The following EFCAB6 variants were observed in gnomAD, a reference collection of about 807,000 sequenced individuals.
EFCAB6 encodes EF-hand calcium-binding domain-containing protein 6.
In EFCAB6, 156 loss-of-function variants were observed where a neutral mutation model predicts 169.8. The ratio of observed to expected loss-of-function variants is 0.92; its 90% CI spans 0.81 to 1.05. The LOEUF (loss-of-function observed/expected upper bound fraction) is 1.05, where lower values mean the gene tolerates loss of function less well. Ranked by LOEUF, EFCAB6 falls within the 50% of genes least tolerant of loss-of-function variation. The probability of loss-of-function intolerance (pLI) is 0.00; values close to 1 mark genes in which losing one functional copy is unlikely to be tolerated. For missense variants in EFCAB6, 1,800 were observed against 1,829.1 expected (o/e 0.98, Z 0.29); for synonymous variants, 698 against 676.4 (o/e 1.03, Z -0.50).
intron 26 of EFCAB6, among the ~76,000 whole-genome samples, chr22:43,571,560 G>C (rs1014594099): frequency 6.6e-6 from 1 of 152,194 alleles, no homozygotes; most frequent in South Asian, 2.1e-4. Context: ...GATGAATGCA[G>C]TCTGGGGTTC....
chr22:43,798,392 G>A (rs1227895905), intron 2 of EFCAB6, among the ~76,000 whole-genome samples: 7 of 152,056 alleles, frequency 4.6e-5, no homozygotes, highest in Non-Finnish European at 8.8e-5. Context: ...CCGTTCCCAG[G>A]AGATGCTGGT....
chr22:43,537,483 C>T lies in EFCAB6; in HGVS notation c.3942G>A (p.Glu1314=). 1.2e-6 allele frequency: 2 copies of T among 1,614,142 alleles called. No individual in the cohort carries two copies. The highest frequency in any genetic ancestry group is 1.7e-6 in the Non-Finnish European group (2 of 1,180,036). The change falls in exon 29 of 32, where the codon GAG becomes GAA. Residue 1314 remains glutamate (E), a synonymous_variant. Coordinates refer to ENST00000262726, the MANE Select transcript of EFCAB6 (RefSeq NM_022785.4). This position sits in a 1 kb window ranked among gnomAD's most constrained non-coding sequence, Gnocchi z 4.3. ...TPPLQNCDPI[E]SRLRKRIQGC... is the part of the protein sequence containing the mutation. ...CCTGGATTCTCTTCCGGAGCCTGCT[C>T]TCTATGGGATCACAGTTCTGCAAGG...
At position 43,599,509 on chromosome 22, in the gene EFCAB6, C is replaced by CAAAAAAAAA. The variant is rs58130994; in HGVS notation, c.2876+551_2876+559dup. 1.1e-3 allele frequency among the ~76,000 whole-genome samples: 48 copies of CAAAAAAAAA among 44,238 alleles called. 9 individuals are homozygous for CAAAAAAAAA. Among genetic ancestry groups the CAAAAAAAAA allele is most frequent in the African/African-American group, 2.1e-3 (23 of 11,098 alleles). The allele number at this position is 44,238 out of a possible 152,430, so 29.0% of individuals were successfully genotyped here. A position where few individuals can be genotyped will look rare whatever the true frequency, so the allele number is the denominator to read the frequency against. On this transcript the variant is annotated intron_variant, in intron 23 of 31. Coordinates refer to ENST00000262726, the MANE Select transcript of EFCAB6 (RefSeq NM_022785.4). ...TGGGAGACAGAGTGAGATTCCATCTCAAAAAAAAAAAAAAAAAAAAAAAAA... is the reference window on the plus strand; with the variant it reads ...TGGGAGACAGAGTGAGATTCCATCTCAAAAAAAAAAAAAAAAAAAAAAAAAAAAAAAAAA...
intron 10 of EFCAB6, among the ~76,000 whole-genome samples, chr22:43,709,098 T>C (rs1021095480): frequency 2.0e-5 from 3 of 152,190 alleles, no homozygotes; most frequent in African/African-American, 2.4e-5. Flanking sequence ...TCTTCATTTT[T>C]TGGGACAGAG....
At chr22:43,759,687 C>A (rs1393841232) in intron 5 of EFCAB6, 1 of 152,200 alleles carries the variant, frequency 6.6e-6, no homozygotes, top group Admixed American at 6.5e-5. Flanking sequence ...CTCTCATATA[C>A]TCAGAGACAG....
chr22:43,718,150 GGTA>G (rs1321453280), intron 8 of EFCAB6, among the ~76,000 whole-genome samples: 2 of 152,116 alleles, frequency 1.3e-5, no homozygotes, highest in African/African-American at 4.8e-5. Context: ...GTAGGATTCA[GGTA>G]GTAGAATTAT....
chr22:43,689,888 T>A (rs535523946), intron 10 of EFCAB6, among the ~76,000 whole-genome samples: 1 of 152,330 alleles, frequency 6.6e-6, no homozygotes, highest in African/African-American at 2.4e-5. Flanking sequence ...ATTAAGTCTC[T>A]TTCTATGATC....
chr22:43,811,276 AAAG>A (rs1320159565), intron 1 of EFCAB6, among the ~76,000 whole-genome samples: 1 of 144,484 alleles, frequency 6.9e-6, no homozygotes, highest in Non-Finnish European at 1.5e-5. Context: ...CTCCATCAGG[AAAG>A]AAAAGGAGAG....
chr22:43,773,342 G>C (rs1403969470), intron 3 of EFCAB6, among the ~76,000 whole-genome samples: 1 of 152,094 alleles, frequency 6.6e-6, no homozygotes, highest in African/African-American at 2.4e-5. Flanking sequence ...AAAAAAAAGA[G>C]AATCTTCCCT....
At chr22:43,530,433 A>G (rs2146961957) in intron 31 of EFCAB6, 1 of 842,018 alleles carries the variant, frequency 1.2e-6, no homozygotes, top group East Asian at 1.2e-4. Context: ...GGCCCCTTGG[A>G]AGGTCCAACA....
intron 18 of EFCAB6, among the ~76,000 whole-genome samples, chr22:43,633,089 T>G (rs2055097598): frequency 6.6e-6 from 1 of 152,308 alleles, no homozygotes; most frequent in African/African-American, 2.4e-5. Context: ...CCATGCACTT[T>G]ACCTAGGGGG....
chr22:43,751,779 T>C (rs2060776150), intron 6 of EFCAB6, among the ~76,000 whole-genome samples: 1 of 152,240 alleles, frequency 6.6e-6, no homozygotes, highest in South Asian at 2.1e-4. Flanking sequence ...TGTAACAAGT[T>C]GTCACATTTG....
chr22:43,551,392 T>C lies in EFCAB6; in HGVS notation c.3648+3477A>G, dbSNP rs1413712612. Among the ~76,000 whole-genome samples, 6 of 152,344 alleles carry C rather than the reference T, an allele frequency of 3.9e-5. No individual in the cohort carries two copies. The East Asian group carries it at 1.2e-3, about 29-fold the overall frequency. On this transcript the variant is annotated intron_variant, in intron 27 of 31. Coordinates refer to ENST00000262726, the MANE Select transcript of EFCAB6 (RefSeq NM_022785.4). ...GTGCAAAAGTAATTACGGTCTTTAC[T>C]TTCAATGGCAAAGACCGCAATTACT...
At chr22:43,748,479 CT>C (rs2060642658) in intron 6 of EFCAB6, among the ~76,000 whole-genome samples, 2 of 152,190 alleles carry the variant, frequency 1.3e-5, no homozygotes, top group South Asian at 2.1e-4. Context: ...ATCTCTTCCC[CT>C]ATCCCATCCT....
intron 24 of EFCAB6, among the ~76,000 whole-genome samples, chr22:43,589,453 C>T (rs930732945): frequency 1.3e-5 from 2 of 152,038 alleles, no homozygotes; most frequent in Non-Finnish European, 2.9e-5. Context: ...CGTAGAACTA[C>T]GTGATTCCTG....
At chr22:43,581,234 T>C (rs1439381445) in intron 24 of EFCAB6, among the ~76,000 whole-genome samples, 1 of 152,082 alleles carries the variant, frequency 6.6e-6, no homozygotes, top group East Asian at 1.9e-4. Context: ...AGAGGAAACA[T>C]GTCAAAGACA....
At chr22:43,597,334 C>T (rs943148094) in intron 23 of EFCAB6, among the ~76,000 whole-genome samples, 1 of 152,186 alleles carries the variant, frequency 6.6e-6, no homozygotes. Context: ...AAGATATTTA[C>T]AAACTCCCCA....
intron 17 of EFCAB6, among the ~76,000 whole-genome samples, chr22:43,640,354 T>G (rs760009874): frequency 6.6e-6 from 1 of 152,188 alleles, no homozygotes; most frequent in Non-Finnish European, 1.5e-5. Context: ...GCAGTAGGCT[T>G]GGTTGGACTC....
At chr22:43,763,106 T>A (rs994137911) in intron 5 of EFCAB6, among the ~76,000 whole-genome samples, 1 of 152,172 alleles carries the variant, frequency 6.6e-6, no homozygotes, top group African/African-American at 2.4e-5. Flanking sequence ...TGGTGCGATC[T>A]GGGCTCACTA....
Sources: allele counts gnomAD v4.1 joint callset (sites outside exome capture counted in the v4.1 genomes callset), GRCh38; gene constraint gnomAD v4.1.1; non-coding constraint Gnocchi (gnomAD v3.1); transcripts MANE v1.5; gene names NCBI Gene and HGNC (gene_info 2026-07-23, HGNC 2026-07-21).